VPS41: variants seen among roughly 807,000 people sequenced by gnomAD.
The protein encoded by VPS41 is VPS41 subunit of HOPS complex.
In VPS41, 85 loss-of-function variants were observed where a neutral mutation model predicts 130.9. That is an observed-to-expected ratio of 0.65 (90% CI 0.55 to 0.78). VPS41 has a LOEUF of 0.78. VPS41 is among the 30% of genes least tolerant of loss of function. VPS41 has a pLI of 0.00. For missense variants in VPS41, 874 were observed against 1,018.7 expected, an observed-to-expected ratio of 0.86 and a Z score of 1.93; for synonymous variants, 335 against 332.9, an observed-to-expected ratio of 1.01 and a Z score of -0.07.
chr7:38,901,790 G>A (rs553738777), intron 1 of VPS41, among the ~76,000 whole-genome samples: 4 of 152,190 alleles, frequency 2.6e-5, no homozygotes, highest in Non-Finnish European at 4.4e-5. Context: ...CCAGCACTTT[G>A]GGAGGCTAAG....
chr7:38,871,754 G>A (rs565821960), intron 2 of VPS41, among the ~76,000 whole-genome samples: 2 of 152,296 alleles, frequency 1.3e-5, no homozygotes, highest in South Asian at 2.1e-4. Context: ...TTTAAAATAT[G>A]TTTATTTAGC....
At chr7:38,754,077 C>T (rs2115715496) in intron 21 of VPS41, among the ~76,000 whole-genome samples, 1 of 151,888 alleles carries the variant, frequency 6.6e-6, no homozygotes, top group African/African-American at 2.4e-5. Context: ...TGATGCAATG[C>T]AGAGAATTGA....
intron 8 of VPS41, 102 bp downstream of exon 8, chr7:38,796,643 C>A (rs1259642457): frequency 4.5e-6 from 7 of 1,559,820 alleles, no homozygotes; most frequent in Non-Finnish European, 6.1e-6. Flanking sequence ...TAGAAATCAC[C>A]ACCACAGCAA....
At chr7:38,809,172 C>T (rs4723795) in intron 7 of VPS41, among the ~76,000 whole-genome samples, 108,341 of 151,558 alleles carry the variant, frequency 0.71, 40,386 homozygotes, top group African/African-American at 0.91. Flanking sequence ...TATATCAAAT[C>T]ATCATTGTAT....
At chr7:38,738,205 A>T (rs1795810193) in intron 25 of VPS41, among the ~76,000 whole-genome samples, 1 of 152,172 alleles carries the variant, frequency 6.6e-6, no homozygotes. Flanking sequence ...TAATGAAAAA[A>T]ACTAAGACCC....
In VPS41 at chr7:38,817,897, G is replaced by A; in HGVS notation, c.385-15C>T. On this transcript the variant is annotated splice_polypyrimidine_tract_variant and intron_variant, in intron 6 of 28. Coordinates refer to ENST00000310301, the MANE Select transcript of VPS41 (RefSeq NM_014396.4). ...ACAGCAATAATCTACAAGAGAAACA[G>A]AACCCAACTCTGGTTTAGGAGTCAT... 6.2e-7 allele frequency: 1 copy of A among 1,612,088 alleles called. No individual in the cohort carries two copies. The highest frequency in any genetic ancestry group is 2.2e-5 in the East Asian group (1 of 44,860).
chr7:38,843,554 C>T (rs911598271), intron 4 of VPS41, among the ~76,000 whole-genome samples: 5 of 151,918 alleles, frequency 3.3e-5, no homozygotes, highest in Non-Finnish European at 7.4e-5. Flanking sequence ...CGGTGCTGGG[C>T]GCCTGTAATC....
At chr7:38,845,204 T>C (rs755295926) in intron 4 of VPS41, among the ~76,000 whole-genome samples, 17 of 152,194 alleles carry the variant, frequency 1.1e-4, no homozygotes, top group Non-Finnish European at 2.4e-4. Flanking sequence ...ACAGTGACTA[T>C]GTACTCAAGA....
intron 9 of VPS41, among the ~76,000 whole-genome samples, chr7:38,793,901 T>C (rs1315027173): frequency 6.6e-6 from 1 of 152,146 alleles, no homozygotes; most frequent in Non-Finnish European, 1.5e-5. Context: ...CCAGATAATG[T>C]AGGTTAATTC....
chr7:38,762,475 G>A (rs1783942711), intron 17 of VPS41, among the ~76,000 whole-genome samples: 1 of 152,198 alleles, frequency 6.6e-6, no homozygotes, highest in South Asian at 2.1e-4. Context: ...ACAGGCATAT[G>A]ACTAGAAACC....
chr7:38,878,816 T>C (rs1786543103), intron 2 of VPS41, among the ~76,000 whole-genome samples: 1 of 152,236 alleles, frequency 6.6e-6, no homozygotes. Flanking sequence ...ACCATTTGAA[T>C]TCAGAAGTCA....
chr7:38,906,500 G>T (rs1478268988), intron 1 of VPS41, among the ~76,000 whole-genome samples: 1 of 151,972 alleles, frequency 6.6e-6, no homozygotes, highest in East Asian at 1.9e-4. Flanking sequence ...CACCATGCCT[G>T]GCTAATTTTT....
chr7:38,859,825 A>G (rs1434751827), intron 4 of VPS41, among the ~76,000 whole-genome samples: 1 of 152,264 alleles, frequency 6.6e-6, no homozygotes, highest in African/African-American at 2.4e-5. Context: ...CTAAGATTTT[A>G]TAAGAATTCT....
chr7:38,891,634 G>A (rs942416886), intron 2 of VPS41, among the ~76,000 whole-genome samples: 17 of 152,230 alleles, frequency 1.1e-4, no homozygotes, highest in Non-Finnish European at 2.2e-4. Flanking sequence ...TACAGAAAAC[G>A]CCTGTCGACT....
chr7:38,759,787 C>G (rs912431035), intron 17 of VPS41, among the ~76,000 whole-genome samples: 1 of 152,170 alleles, frequency 6.6e-6, no homozygotes, highest in African/African-American at 2.4e-5. Context: ...CTTTCCCCAC[C>G]ACCAAGAGTC....
At chr7:38,878,585 T>TA (rs1262197564) in intron 2 of VPS41, among the ~76,000 whole-genome samples, 1 of 152,100 alleles carries the variant, frequency 6.6e-6, no homozygotes, top group Non-Finnish European at 1.5e-5. Context: ...CATATATTAA[T>TA]AAAAAACATG....
Position 38,728,570 on chromosome 7 carries a change from C to T in VPS41, c.2376G>A (p.Glu792=), listed in dbSNP as rs374600470. 8 of 1,614,020 alleles carry T rather than the reference C, an allele frequency of 5.0e-6. No individual in the cohort carries two copies. The East Asian group carries it at 6.7e-5, about 13-fold the overall frequency. Residue 792 remains glutamate (E), a synonymous_variant, in exon 27 of 29, where the codon GAG becomes GAA. Transcript: ENST00000310301. The stretch of plus-strand genomic sequence containing the variant: ...ATGGAAGAATAGGGGAAAGGCACGA[C>T]TCACAGATGTTCTCCTCTGTAAGAA... ...GVLVDEENIC[E]SCLSPILPSD...
chr7:38,745,512 T>G (rs1327544002), intron 23 of VPS41, 47 bp downstream of exon 23: 1 of 1,444,346 alleles, frequency 6.9e-7, no homozygotes, highest in Non-Finnish European at 9.7e-7. Context: ...CATGTTGTCA[T>G]CCCATTTCTT....
At chr7:38,863,781 G>C (rs1461329756) in intron 3 of VPS41, among the ~76,000 whole-genome samples, 1 of 152,192 alleles carries the variant, frequency 6.6e-6, no homozygotes, top group Non-Finnish European at 1.5e-5. Context: ...GCACAGGCCT[G>C]CCTGAATGCA....
Sources: gnomAD v4.1 joint callset for allele counts (sites outside exome capture counted in the v4.1 genomes callset) on GRCh38, gnomAD v4.1.1 for gene constraint, MANE v1.5 for transcripts, NCBI Gene and HGNC (gene_info 2026-07-23, HGNC 2026-07-21) for gene names.